The following TCP1 variants were observed in gnomAD, a reference collection of about 807,000 sequenced individuals.
The protein encoded by TCP1 is T-complex protein 1 subunit alpha.
A neutral mutation model predicts 54.7 loss-of-function variants in TCP1; 6 were observed. The observed-to-expected ratio is 0.11, with a 90% CI of 0.06 to 0.22. TCP1 has a LOEUF of 0.22. Ranked by LOEUF, TCP1 falls within the 10% of genes least tolerant of loss-of-function variation. The pLI, the probability that TCP1 is intolerant of heterozygous loss-of-function variation, is 1.00. For missense variants in TCP1, 511 were observed against 678.2 expected, an observed-to-expected ratio of 0.75 and a Z score of 2.74; for synonymous variants, 225 against 229.7, an observed-to-expected ratio of 0.98 and a Z score of 0.19.
At chr6:159,787,693 A>G in intron 3 of TCP1, 50 bp downstream of exon 3, 2 of 1,586,530 alleles carry the variant, frequency 1.3e-6, no homozygotes, top group Non-Finnish European at 1.7e-6. Flanking sequence ...CAACTTTCTG[A>G]AAGTCGGTCG....
Position 159,789,453 on chromosome 6 carries a change from A to T in TCP1, c.16T>A (p.Ser6Thr), listed in dbSNP as rs1483171880. Residue 6 changes from serine (S) to threonine (T), a missense_variant, in exon 1 of 12, where the codon TCC becomes ACC. Ser to Thr is a moderately conservative substitution (Grantham distance 58). Around this residue, in one of 5 missense-constraint regions of TCP1, gnomAD observed 35 missense variants for 32.7 expected, o/e 1.07. Transcript: ENST00000321394. MEGPLSVFGDRSTGET... is the reference protein window; with the variant it reads MEGPLTVFGDRSTGET... The stretch of plus-strand genomic sequence containing the variant: ...CCAGTGCTGCGGTCACCGAACACGG[A>T]CAAAGGCCCCTCCATCTTGACGGCA... 4 of 1,613,568 alleles carry T rather than the reference A, an allele frequency of 2.5e-6. No homozygotes were observed. In the African/African-American group the frequency reaches 5.3e-5, roughly 22 times the overall value.
At position 159,780,374 on chromosome 6, in the gene TCP1, A is replaced by G. The variant is rs1349892907; in HGVS notation, c.1097+69T>C. ...CTGTGAGACTACAAGCAGCAAATAA[A>G]TGGGAAGAAAACCTACTTTTACTTA... On this transcript the variant is annotated intron_variant, in intron 9 of 11. Transcript: ENST00000321394. The G allele has an allele frequency of 4.4e-6, 7 of 1,609,148 alleles. No individual in the cohort carries two copies. The East Asian group carries it at 1.6e-4, about 36-fold the overall frequency.
At chr6:159,784,251 T>A (rs1780641623) in intron 6 of TCP1, among the ~76,000 whole-genome samples, 184 bp from the exon 7 acceptor site, 1 of 152,234 alleles carries the variant, frequency 6.6e-6, no homozygotes, top group Non-Finnish European at 1.5e-5. Flanking sequence ...CCATGTTGTA[T>A]GTGCTTTAAA....
intron 11 of TCP1, 174 bp downstream of exon 11, chr6:159,779,453 T>TA (rs1780519338): frequency 5.1e-6 from 5 of 984,376 alleles, no homozygotes; most frequent in Admixed American, 2.8e-5. Flanking sequence ...TGCTAATAAT[T>TA]AGTCATTATC....
chr6:159,779,586 T>C (rs774573846), intron 11 of TCP1, 41 bp downstream of exon 11: 3 of 1,553,754 alleles, frequency 1.9e-6, no homozygotes, highest in South Asian at 2.5e-5. Context: ...TAATGCAACC[T>C]GTTCTGCAGA....
rs1366829829 is a variant in TCP1 at position 159,785,490 on chromosome 6, T to C, written c.384A>G (p.Ala128=). ...ISGYRLACKE[A]VRYINENLIV... ...TTAGGTTTTCATTGATATAACGCAC[T>C]GCTTCCCTGTTTAAAAGTGTGGGGG... is the stretch of plus-strand genomic sequence containing the variant. Residue 128 remains alanine (A), a synonymous_variant, in exon 5 of 12, where the codon GCA becomes GCG. Transcript: ENST00000321394. 6.2e-7 allele frequency: 1 copy of C among 1,612,030 alleles called. No individual in the cohort carries two copies. Among genetic ancestry groups the C allele is most frequent in the Admixed American group, 1.7e-5 (1 of 60,010 alleles).
chr6:159,789,587 T>A lies in TCP1; in HGVS notation c.-119A>T. 1 of 1,275,368 alleles carries A rather than the reference T, an allele frequency of 7.8e-7. No individual in the cohort carries two copies. Among genetic ancestry groups the A allele is most frequent in the Non-Finnish European group, 1.1e-6 (1 of 897,436 alleles). The allele number at this position is 1,275,368 out of a possible 1,614,324, so 79.0% of individuals were successfully genotyped here. On this transcript the variant is annotated 5_prime_UTR_variant, in exon 1 of 12. Coordinates refer to ENST00000321394, the MANE Select transcript of TCP1 (RefSeq NM_030752.3). The stretch of plus-strand genomic sequence containing the variant: ...GACGGCGTGGAGCGTACCCGAGCGA[T>A]GTCCCAGGAGCTACTGGGTAACACA...
rs982489843 is a variant in TCP1 at position 159,789,581 on chromosome 6, G to C, written c.-113C>G. On this transcript the variant is annotated 5_prime_UTR_variant, in exon 1 of 12. Coordinates refer to ENST00000321394, the MANE Select transcript of TCP1 (RefSeq NM_030752.3). ...GGCTGCGACGGCGTGGAGCGTACCC[G>C]AGCGATGTCCCAGGAGCTACTGGGT... is the stretch of plus-strand genomic sequence containing the variant. The C allele has an allele frequency of 4.5e-6, 6 of 1,327,622 alleles. No individual in the cohort carries two copies. In the East Asian group the frequency reaches 1.2e-4, roughly 28 times the overall value. The allele number at this position is 1,327,622 out of a possible 1,614,324, so 82.2% of individuals were successfully genotyped here.
In TCP1 at chr6:159,778,945, A is replaced by T; in HGVS notation, c.*100T>A. The T allele has an allele frequency of 6.4e-7, 1 of 1,558,002 alleles. No individual in the cohort carries two copies. The highest frequency in any genetic ancestry group is 8.7e-7 in the Non-Finnish European group (1 of 1,145,954). ...GGAAACCATTTCCTACATCACAAAAACCCAAGTTTACAGCTTGTACTTTAC... is the reference window on the plus strand; with the variant it reads ...GGAAACCATTTCCTACATCACAAAATCCCAAGTTTACAGCTTGTACTTTAC... On this transcript the variant is annotated 3_prime_UTR_variant, in exon 12 of 12. Coordinates refer to ENST00000321394, the MANE Select transcript of TCP1 (RefSeq NM_030752.3).
intron 6 of TCP1, 48 bp downstream of exon 6, chr6:159,784,617 GT>G (rs751702943): frequency 1.9e-6 from 3 of 1,580,740 alleles, no homozygotes; most frequent in Non-Finnish European, 2.6e-6. Flanking sequence ...AGAAAAGCTA[GT>G]TTTAATCTGT....
chr6:159,778,581 A>G lies in TCP1; in HGVS notation c.*464T>C. 6.7e-7 allele frequency: 1 copy of G among 1,490,570 alleles called. No individual in the cohort carries two copies. The highest frequency in any genetic ancestry group is 9.2e-7 in the Non-Finnish European group (1 of 1,088,010). 92.3% of individuals were successfully genotyped at this position (1,490,570 alleles called of 1,614,324 possible). ...GAAAGGGTAGCATGCTGATACATTA[A>G]GAGGAAAAAGACAAGTTTAAGATTT... On this transcript the variant is annotated 3_prime_UTR_variant, in exon 12 of 12. Transcript: ENST00000321394.
intron 1 of TCP1, chr6:159,788,379 G>A: frequency 2.2e-6 from 1 of 448,294 alleles, no homozygotes; most frequent in Non-Finnish European, 4.1e-6. Flanking sequence ...CTTGATGCCA[G>A]GAGTTTGAGA....
chr6:159,783,378 TA>T (rs1259322455), intron 7 of TCP1, among the ~76,000 whole-genome samples: 1 of 104,612 alleles, frequency 9.6e-6, no homozygotes, highest in African/African-American at 3.6e-5. Flanking sequence ...CTGTTTAAAC[TA>T]TTTTTTTTTT....
rs2114994924 is a variant in TCP1, at chr6:159,784,828, T to C, written c.508A>G (p.Asn170Asp). 6.2e-7 allele frequency: 1 copy of C among 1,614,226 alleles called. No individual in the cohort carries two copies. Among genetic ancestry groups the C allele is most frequent in the East Asian group, 2.2e-5 (1 of 44,880 alleles). Residue 170 changes from asparagine to aspartate, a missense_variant, in exon 6 of 12, where the codon AAC (asparagine) becomes GAC (aspartate). Physicochemically the swap from Asn to Asp is conservative, Grantham distance 23 (BLOSUM62 1). Transcript: ENST00000321394. ...IIGINGDFFA[N>D]MVVDAVLAIK... Reference sequence around the variant, plus strand: ...GCAAGTACAGCATCTACTACCATGTTAGCAAAGAAATCACCATTTCTACGC... The same window carrying C: ...GCAAGTACAGCATCTACTACCATGTCAGCAAAGAAATCACCATTTCTACGC...
chr6:159,789,115 A>C, intron 1 of TCP1: 1 of 446,100 alleles, frequency 2.2e-6, no homozygotes, highest in Non-Finnish European at 4.0e-6. Flanking sequence ...CGAGCCCGGG[A>C]GGCCCGCTTT....
intron 8 of TCP1, 99 bp downstream of exon 8, chr6:159,780,818 ATTAAGAGAATATAAATGT>A: frequency 7.5e-7 from 1 of 1,338,638 alleles, no homozygotes; most frequent in South Asian, 1.5e-5. Flanking sequence ...AGCACAAAGC[ATTAAGAGAATATAAATGT>A]TTTTGAGCTG....
Position 159,784,784 on chromosome 6 carries a change from T to C in TCP1, c.552A>G (p.Ile184Met), listed in dbSNP as rs1457525440. Reference sequence around the variant, plus strand: ...TGACTGGATAGCGTGGCTGGCCTCTTATGTCTGTGTATTTAATAGCAAGTA... The same window carrying C: ...TGACTGGATAGCGTGGCTGGCCTCTCATGTCTGTGTATTTAATAGCAAGTA... ...DAVLAIKYTD[I>M]RGQPRYPVNS... Residue 184 changes from isoleucine (I) to methionine (M), a missense_variant, in exon 6 of 12, where the codon ATA becomes ATG. Around this residue, in one of 5 missense-constraint regions of TCP1, gnomAD observed 305 missense variants for 352.8 expected, o/e 0.86. Coordinates refer to ENST00000321394, the MANE Select transcript of TCP1 (RefSeq NM_030752.3). The C allele has an allele frequency of 5.0e-6, 8 of 1,614,072 alleles. No individual in the cohort carries two copies. Among genetic ancestry groups the C allele is most frequent in the Middle Eastern group, 1.6e-4 (1 of 6,084 alleles).
In TCP1 at chr6:159,788,241, C is replaced by T. The variant is rs997846364; in HGVS notation, c.65-98G>A. 6 of 1,076,968 alleles carry T rather than the reference C, an allele frequency of 5.6e-6. No individual in the cohort carries two copies. The African/African-American group carries it at 6.4e-5, about 11-fold the overall frequency. 66.7% of individuals were successfully genotyped at this position (1,076,968 alleles called of 1,614,324 possible). ...TAAAGGTAAATGACATCCAACAGCC[C>T]CCGTATTTCCCAAATCTACAAATCT... On this transcript the variant is annotated intron_variant, in intron 1 of 11. Transcript: ENST00000321394.
chr6:159,788,481 G>C (rs1432692880), intron 1 of TCP1: 1 of 224,182 alleles, frequency 4.5e-6, no homozygotes, highest in African/African-American at 2.3e-5. Context: ...AGAATGCAGT[G>C]AGCTATGATG....
Sources: allele counts gnomAD v4.1 joint callset (sites outside exome capture counted in the v4.1 genomes callset), GRCh38; gene constraint gnomAD v4.1.1; regional missense constraint gnomAD v4.1.1; transcripts MANE v1.5; gene names NCBI Gene and HGNC (gene_info 2026-07-23, HGNC 2026-07-21).